Variants in AGPAT4 observed in about 807,000 individuals in gnomAD.
AGPAT4 encodes the protein 1-acyl-sn-glycerol-3-phosphate acyltransferase delta.
In AGPAT4, 15 loss-of-function variants were observed where a neutral mutation model predicts 48.0. That is an observed-to-expected ratio of 0.31 (90% CI 0.21 to 0.48). The LOEUF is 0.48. AGPAT4 is among the 20% of genes least tolerant of loss of function. The pLI is 0.99. For synonymous variants in AGPAT4, 178 were observed against 198.7 expected, an observed-to-expected ratio of 0.90 and a Z score of 0.88; for missense variants, 314 against 482.5, an observed-to-expected ratio of 0.65 and a Z score of 3.27.
At position 161,133,618 on chromosome 6, in the gene AGPAT4, G is replaced by GGAA. The variant is rs1778972727; in HGVS notation, c.*2919_*2921dup. On this transcript the variant is annotated 3_prime_UTR_variant, in exon 9 of 9. Transcript: ENST00000320285. ...AGAGTCCCCGTGGGCTGGCTTTCCT[G>GGAA]GAAGAAGTCCATTAAATTCCCTGCT... 6.6e-6 allele frequency: 1 copy of GGAA among 152,206 alleles called. No individual in the cohort carries two copies. Among genetic ancestry groups the GGAA allele is most frequent in the African/African-American group, 2.4e-5 (1 of 41,432 alleles). 9.4% of individuals were successfully genotyped at this position (152,206 alleles called of 1,614,324 possible).
intron 2 of AGPAT4, among the ~76,000 whole-genome samples, chr6:161,211,508 G>T (rs927276161): frequency 3.9e-5 from 6 of 152,096 alleles, no homozygotes; most frequent in African/African-American, 1.4e-4. Context: ...AAAAAATCTT[G>T]TATGGTAAAT....
At chr6:161,153,205 C>T (rs1442134975) in intron 5 of AGPAT4, 141 bp downstream of exon 5, 3 of 1,208,702 alleles carry the variant, frequency 2.5e-6, no homozygotes, top group Non-Finnish European at 2.3e-6. Flanking sequence ...GTCACAGAGA[C>T]TGGACTTGAG....
At chr6:161,224,599 C>G (rs1364302552) in intron 2 of AGPAT4, among the ~76,000 whole-genome samples, 1 of 146,858 alleles carries the variant, frequency 6.8e-6, no homozygotes, top group African/African-American at 2.5e-5. Flanking sequence ...CCGAGATTGG[C>G]CACTGCACTC....
chr6:161,236,346 T>C lies in AGPAT4; in HGVS notation c.-89-4044A>G, dbSNP rs1157297293. On this transcript the variant is annotated intron_variant, in intron 1 of 8. Coordinates refer to ENST00000320285, the MANE Select transcript of AGPAT4 (RefSeq NM_020133.3). This position sits in a 1 kb window ranked among gnomAD's most constrained non-coding sequence, Gnocchi z 5.0. Reference sequence around the variant, plus strand: ...TGTGCTTGACAAAGTAAAGATGATGTATTGCCTTTTTCTGGGTTTTGGTAC... The same window carrying C: ...TGTGCTTGACAAAGTAAAGATGATGCATTGCCTTTTTCTGGGTTTTGGTAC... Among the ~76,000 whole-genome samples the C allele has an allele frequency of 2.0e-5, 3 of 152,128 alleles. No individual in the cohort carries two copies. The highest frequency in any genetic ancestry group is 4.8e-5 in the African/African-American group (2 of 41,418).
At position 161,226,682 on chromosome 6, in the gene AGPAT4, A is replaced by G. The variant is rs1370115334; in HGVS notation, c.178+5354T>C. Among the ~76,000 whole-genome samples the G allele has an allele frequency of 6.6e-6, 1 of 152,216 alleles. No homozygotes were observed. The highest frequency in any genetic ancestry group is 1.5e-5 in the Non-Finnish European group (1 of 68,040). On this transcript the variant is annotated intron_variant, in intron 2 of 8. Transcript: ENST00000320285. This position sits in a 1 kb window ranked among gnomAD's most constrained non-coding sequence, Gnocchi z 6.3. ...GGTTCACTTTGTATAAAATTTTAAC[A>G]CATAGAATGAAAGCAGATGATAGCA...
At chr6:161,269,740 C>T (rs1234540956) in intron 1 of AGPAT4, among the ~76,000 whole-genome samples, 1 of 152,064 alleles carries the variant, frequency 6.6e-6, no homozygotes, top group East Asian at 1.9e-4. Flanking sequence ...ACCAGTTTCC[C>T]GTTTATTGCT....
rs1200917232 is a variant in AGPAT4, at chr6:161,221,198, C to T, written c.178+10838G>A. Among the ~76,000 whole-genome samples the T allele has an allele frequency of 6.6e-6, 1 of 152,148 alleles. No homozygotes were observed. Among genetic ancestry groups the T allele is most frequent in the Non-Finnish European group, 1.5e-5 (1 of 68,016 alleles). On this transcript the variant is annotated intron_variant, in intron 2 of 8. Coordinates refer to ENST00000320285, the MANE Select transcript of AGPAT4 (RefSeq NM_020133.3). This position sits in a 1 kb window ranked among gnomAD's most constrained non-coding sequence, Gnocchi z 4.5. ...TCCGGTCAGCAGAAAATCCACCCCT[C>T]GGGGCTGGGTTTCCAGCATGGCAAC...
chr6:161,188,275 GA>G (rs1244455448), intron 2 of AGPAT4, among the ~76,000 whole-genome samples: 10 of 152,152 alleles, frequency 6.6e-5, no homozygotes, highest in African/African-American at 2.4e-4. Context: ...GACGCCTTAG[GA>G]TATTTAATTT....
At chr6:161,194,819 G>C (rs888448860) in intron 2 of AGPAT4, among the ~76,000 whole-genome samples, 3 of 152,178 alleles carry the variant, frequency 2.0e-5, no homozygotes, top group Admixed American at 2.0e-4. Flanking sequence ...TAAGTTATCA[G>C]ACTTGGTGCC....
At chr6:161,265,758 A>G (rs1295671665) in intron 1 of AGPAT4, among the ~76,000 whole-genome samples, 1 of 152,128 alleles carries the variant, frequency 6.6e-6, no homozygotes, top group Non-Finnish European at 1.5e-5. Context: ...GGGTCCTATC[A>G]GGCCACCGAG....
Position 161,198,937 on chromosome 6 carries a change from A to G in AGPAT4, c.179-32520T>C, listed in dbSNP as rs1381634790. Among the ~76,000 whole-genome samples, 1 of 152,188 alleles carries G rather than the reference A, an allele frequency of 6.6e-6. No homozygotes were observed. Among genetic ancestry groups the G allele is most frequent in the South Asian group, 2.1e-4 (1 of 4,824 alleles). ...CAAATATATGTCAGAATTACTGCTG[A>G]TATCGATTCCTTTTTTGAAGCCCTA... is the stretch of plus-strand genomic sequence containing the variant. On this transcript the variant is annotated intron_variant, in intron 2 of 8. Coordinates refer to ENST00000320285, the MANE Select transcript of AGPAT4 (RefSeq NM_020133.3). This position sits in a 1 kb window ranked among gnomAD's most constrained non-coding sequence, Gnocchi z 4.3.
rs11345143 is a variant in AGPAT4 at position 161,222,576 on chromosome 6, A to AT, written c.178+9459dup. Among the ~76,000 whole-genome samples, 218 of 147,398 alleles carry AT rather than the reference A, an allele frequency of 1.5e-3. No homozygotes were observed. The highest frequency in any genetic ancestry group is 5.8e-3 in the South Asian group (27 of 4,620). On this transcript the variant is annotated intron_variant, in intron 2 of 8. Transcript: ENST00000320285. The surrounding 1 kb of genome is among the most constrained non-coding windows in gnomAD (Gnocchi z 5.9). ...TCTATAAAAGATTACGCATGAACAG[A>AT]TTTTTTTTTTTTTCAAATTCCAATT...
At chr6:161,260,602 G>C (rs1403022127) in intron 1 of AGPAT4, among the ~76,000 whole-genome samples, 1 of 135,312 alleles carries the variant, frequency 7.4e-6, no homozygotes, top group Non-Finnish European at 1.5e-5. Flanking sequence ...GTTGCAGTGA[G>C]CCAAGATTGT....
chr6:161,209,766 C>A (rs1379251782), intron 2 of AGPAT4, among the ~76,000 whole-genome samples: 2 of 151,884 alleles, frequency 1.3e-5, no homozygotes, highest in Non-Finnish European at 2.9e-5. Flanking sequence ...GGTGTTCAAC[C>A]GACGTTTGTT....
At position 161,220,586 on chromosome 6, in the gene AGPAT4, C is replaced by T. The variant is rs12194339; in HGVS notation, c.178+11450G>A. On this transcript the variant is annotated intron_variant, in intron 2 of 8. Coordinates refer to ENST00000320285, the MANE Select transcript of AGPAT4 (RefSeq NM_020133.3). This position sits in a 1 kb window ranked among gnomAD's most constrained non-coding sequence, Gnocchi z 6.0. ...TGCCCTCTTTTTGGCCAAACAAAGA[C>T]GCTGCCAGTAAGACAGAACCGAATA... Among the ~76,000 whole-genome samples the T allele has an allele frequency of 0.088, 13,410 of 152,156 alleles. 700 individuals are homozygous for T. Among genetic ancestry groups the T allele is most frequent in the Non-Finnish European group, 0.12 (8,493 of 67,968 alleles).
chr6:161,142,416 T>C lies in AGPAT4; in HGVS notation c.844-2796A>G, dbSNP rs1223968788. 1.3e-5 allele frequency among the ~76,000 whole-genome samples: 2 copies of C among 152,068 alleles called. No homozygotes were observed. The highest frequency in any genetic ancestry group is 4.8e-5 in the African/African-American group (2 of 41,398). ...TTTTGTGTGTTACCGTGTGGCATAG[T>C]ATAAAGTTGGAACTGGGAAATGTAG... On this transcript the variant is annotated intron_variant, in intron 7 of 8. Transcript: ENST00000320285. The surrounding 1 kb of genome is among the most constrained non-coding windows in gnomAD (Gnocchi z 6.4).
Position 161,222,255 on chromosome 6 carries a change from C to A in AGPAT4, c.178+9781G>T, listed in dbSNP as rs1331012167. ...TCACTTTATATTTTCCTTTTCTACT[C>A]ATTCCATAAGCTGTTCCTTATTTTG... On this transcript the variant is annotated intron_variant, in intron 2 of 8. Coordinates refer to ENST00000320285, the MANE Select transcript of AGPAT4 (RefSeq NM_020133.3). The surrounding 1 kb of genome is among the most constrained non-coding windows in gnomAD (Gnocchi z 5.9). 6.6e-6 allele frequency among the ~76,000 whole-genome samples: 1 copy of A among 152,228 alleles called. No homozygotes were observed. Among genetic ancestry groups the A allele is most frequent in the East Asian group, 1.9e-4 (1 of 5,200 alleles).
In AGPAT4 at chr6:161,204,849, G is replaced by A. The variant is rs762796222; in HGVS notation, c.178+27187C>T. ...TTTCTCCATTGTGCTACTTTGTAAT[G>A]ATTATAGAGTCAGCTATAAGAAGAA... On this transcript the variant is annotated intron_variant, in intron 2 of 8. Coordinates refer to ENST00000320285, the MANE Select transcript of AGPAT4 (RefSeq NM_020133.3). This position sits in a 1 kb window ranked among gnomAD's most constrained non-coding sequence, Gnocchi z 4.4. 8.5e-5 allele frequency among the ~76,000 whole-genome samples: 13 copies of A among 152,150 alleles called. No homozygotes were observed. Among genetic ancestry groups the A allele is most frequent in the Admixed American group, 2.0e-4 (3 of 15,274 alleles).
At position 161,264,790 on chromosome 6, in the gene AGPAT4, G is replaced by A. The variant is rs3798947; in HGVS notation, c.-90+9148C>T. Among the ~76,000 whole-genome samples the A allele has an allele frequency of 0.056, 8,515 of 152,200 alleles. 343 individuals carry two copies. The highest frequency in any genetic ancestry group is 0.22 in the East Asian group (1,139 of 5,146). On this transcript the variant is annotated intron_variant, in intron 1 of 8. Transcript: ENST00000320285. The surrounding 1 kb of genome is among the most constrained non-coding windows in gnomAD (Gnocchi z 6.8). ...TCTGTTGACCTTTGAGAGCCTGAAA[G>A]CGAGAAGGGAGAAGCGAGATGGGAA...
Sources: allele counts gnomAD v4.1 joint callset (sites outside exome capture counted in the v4.1 genomes callset), GRCh38; gene constraint gnomAD v4.1.1; non-coding constraint Gnocchi (gnomAD v3.1); transcripts MANE v1.5; gene names NCBI Gene and HGNC (gene_info 2026-07-23, HGNC 2026-07-21).